DAPP1: variants seen among roughly 807,000 people sequenced by gnomAD.
DAPP1 encodes dual adapter for phosphotyrosine and 3-phosphotyrosine and 3-phosphoinositide.
DAPP1 carries 20 observed loss-of-function variants against 41.5 expected under a neutral mutation model. The ratio of observed to expected loss-of-function variants is 0.48; its 90% CI spans 0.34 to 0.70. The LOEUF (loss-of-function observed/expected upper bound fraction) is 0.70, where lower values mean the gene tolerates loss of function less well. Among genes scored for constraint, DAPP1 ranks in the 30% least tolerant of loss-of-function variants. The pLI, the probability that DAPP1 is intolerant of heterozygous loss-of-function variation, is 0.01. For synonymous variants in DAPP1, 113 were observed against 116.2 expected (o/e 0.97, Z 0.18); for missense variants, 233 against 333.4 (o/e 0.70, Z 2.35).
At chr4:99,826,707 C>T (rs1282407375) in intron 1 of DAPP1, among the ~76,000 whole-genome samples, 3 of 152,206 alleles carry the variant, frequency 2.0e-5, no homozygotes, top group African/African-American at 7.2e-5. Flanking sequence ...CCATGCACAC[C>T]AAGCCCATGT....
In DAPP1 at chr4:99,868,318, A is replaced by C; in HGVS notation, c.*133A>C. The C allele has an allele frequency of 1.3e-6, 1 of 785,026 alleles. No individual in the cohort carries two copies. The highest frequency in any genetic ancestry group is 1.6e-5 in the South Asian group (1 of 61,304). The allele number at this position is 785,026 out of a possible 1,614,324, so 48.6% of individuals were successfully genotyped here. On this transcript the variant is annotated 3_prime_UTR_variant, in exon 9 of 9. Coordinates refer to ENST00000512369, the MANE Select transcript of DAPP1 (RefSeq NM_014395.3). The stretch of plus-strand genomic sequence containing the variant: ...AAAAACAAATCAGAAGCAGATGCTG[A>C]TTGGGACCCATATACCACGTTGCTG...
At chr4:99,829,802 A>C (rs1407150357) in intron 1 of DAPP1, among the ~76,000 whole-genome samples, 1 of 152,054 alleles carries the variant, frequency 6.6e-6, no homozygotes, top group Non-Finnish European at 1.5e-5. Flanking sequence ...TTATTACATG[A>C]AGAGACAATC....
chr4:99,840,531 T>C lies in DAPP1; in HGVS notation c.358+109T>C, dbSNP rs535810616. 3.9e-5 allele frequency: 49 copies of C among 1,253,396 alleles called. No individual in the cohort carries two copies. The African/African-American group carries it at 5.4e-4, about 14-fold the overall frequency. 77.6% of individuals were successfully genotyped at this position (1,253,396 alleles called of 1,614,324 possible). On this transcript the variant is annotated intron_variant, in intron 3 of 8. Coordinates refer to ENST00000512369, the MANE Select transcript of DAPP1 (RefSeq NM_014395.3). ...ATTGTTGTCATTTATATTTCAGCAT[T>C]ATCTTGAAGAGAAAACAATGTATTT...
intron 1 of DAPP1, among the ~76,000 whole-genome samples, chr4:99,832,003 GC>G (rs1723139362): frequency 6.6e-6 from 1 of 150,912 alleles, no homozygotes; most frequent in Non-Finnish European, 1.5e-5. Context: ...ATATTTCAAG[GC>G]CTATACAGAT....
intron 4 of DAPP1, among the ~76,000 whole-genome samples, chr4:99,856,127 C>T (rs1724036624): frequency 6.6e-6 from 1 of 151,916 alleles, no homozygotes; most frequent in Non-Finnish European, 1.5e-5. Flanking sequence ...CCAATACACT[C>T]AGAACTGTTT....
chr4:99,827,036 G>C (rs1019120108), intron 1 of DAPP1, among the ~76,000 whole-genome samples: 1 of 152,060 alleles, frequency 6.6e-6, no homozygotes, highest in African/African-American at 2.4e-5. Flanking sequence ...AACTCAAACT[G>C]TTCACATTAT....
chr4:99,853,407 A>T (rs1578185000), intron 4 of DAPP1, 59 bp downstream of exon 4: 6 of 1,541,712 alleles, frequency 3.9e-6, no homozygotes, highest in Admixed American at 2.1e-5. Flanking sequence ...ATCAAGTTCA[A>T]TAAAAGTTAA....
At chr4:99,827,710 A>G (rs1722984667) in intron 1 of DAPP1, among the ~76,000 whole-genome samples, 1 of 152,208 alleles carries the variant, frequency 6.6e-6, no homozygotes, top group Non-Finnish European at 1.5e-5. Flanking sequence ...CCCAGCAGCC[A>G]GAATAAGGGA....
At chr4:99,827,587 A>G (rs1178810171) in intron 1 of DAPP1, among the ~76,000 whole-genome samples, 2 of 151,980 alleles carry the variant, frequency 1.3e-5, no homozygotes, top group East Asian at 3.9e-4. Flanking sequence ...TTATAAGTGC[A>G]GATGAAGGAA....
At chr4:99,867,928 T>A (rs1192999467) in intron 8 of DAPP1, among the ~76,000 whole-genome samples, 189 bp from the exon 9 acceptor site, 3 of 151,168 alleles carry the variant, frequency 2.0e-5, no homozygotes, top group Non-Finnish European at 4.4e-5. Flanking sequence ...ATATGTGTCC[T>A]AAAAAAAAAT....
Position 99,835,336 on chromosome 4 carries a change from C to T in DAPP1, c.102-287C>T, listed in dbSNP as rs539100329. ...GACCTCATTTTAACTTGGTAAAGAC[C>T]CTGTCTCCAAACAAGGTCACATTTT... On this transcript the variant is annotated intron_variant, in intron 1 of 8. Coordinates refer to ENST00000512369, the MANE Select transcript of DAPP1 (RefSeq NM_014395.3). 9.9e-5 allele frequency among the ~76,000 whole-genome samples: 15 copies of T among 152,114 alleles called. No individual in the cohort carries two copies. In the South Asian group the frequency reaches 3.1e-3, roughly 32 times the overall value.
intron 1 of DAPP1, among the ~76,000 whole-genome samples, chr4:99,833,993 G>A (rs1401955082): frequency 6.6e-6 from 1 of 152,264 alleles, no homozygotes; most frequent in South Asian, 2.1e-4. Flanking sequence ...AGGAACCAAA[G>A]CTCAGATTGG....
intron 7 of DAPP1, chr4:99,865,651 T>G (rs1189689161): frequency 6.6e-6 from 1 of 151,958 alleles, no homozygotes; most frequent in Non-Finnish European, 1.5e-5. Flanking sequence ...AATACATAAG[T>G]GTTAGAGTTA....
Position 99,866,089 on chromosome 4 carries a change from G to A in DAPP1, c.742G>A (p.Asp248Asn), listed in dbSNP as rs1724448857. 1 of 1,600,818 alleles carries A rather than the reference G, an allele frequency of 6.2e-7. No homozygotes were observed. Among genetic ancestry groups the A allele is most frequent in the Non-Finnish European group, 8.5e-7 (1 of 1,172,178 alleles). ...YLCAKTGVEA[D>N]EWIKILRWKL... ...CTGTGCAAAGACCGGAGTAGAAGCT[G>A]ATGAGTGGATCAAGATATTACGCTG... Residue 248 changes from aspartate (D) to asparagine (N), a missense_variant, in exon 8 of 9, where the codon GAT becomes AAT. Physicochemically the swap from Asp to Asn is conservative, Grantham distance 23. Coordinates refer to ENST00000512369, the MANE Select transcript of DAPP1 (RefSeq NM_014395.3).
intron 4 of DAPP1, among the ~76,000 whole-genome samples, chr4:99,854,482 T>C (rs1723976779): frequency 6.6e-6 from 1 of 152,224 alleles, no homozygotes; most frequent in Admixed American, 6.5e-5. Flanking sequence ...GCAGTACTTT[T>C]CTCTACCCTT....
rs867913952 is a variant in DAPP1, at chr4:99,863,780, C to T, written c.611C>T (p.Pro204Leu). 6.3e-7 allele frequency: 1 copy of T among 1,581,896 alleles called. No individual in the cohort carries two copies. The highest frequency in any genetic ancestry group is 8.6e-7 in the Non-Finnish European group (1 of 1,162,746). ...TTTTATTTTATTTAGTCACCAGAACCAATTCGGATCCTAGACCTAACAGAA... is the reference window on the plus strand; with the variant it reads ...TTTTATTTTATTTAGTCACCAGAACTAATTCGGATCCTAGACCTAACAGAA... Reference protein sequence around the residue: ...KYFKDQMSPEPIRILDLTECS... With the variant: ...KYFKDQMSPELIRILDLTECS... Residue 204 changes from proline (P) to leucine (L), a missense_variant, in exon 7 of 9, where the codon CCA (proline) becomes CTA (leucine). Coordinates refer to ENST00000512369, the MANE Select transcript of DAPP1 (RefSeq NM_014395.3).
intron 6 of DAPP1, 49 bp from the exon 7 acceptor site, chr4:99,863,716 CTGTTT>C: frequency 1.2e-6 from 1 of 867,670 alleles, no homozygotes; most frequent in Non-Finnish European, 1.7e-6. Context: ...ACAGATTTGT[CTGTTT>C]TTTTTTTTTT....
intron 3 of DAPP1, 127 bp downstream of exon 3, chr4:99,840,549 A>G: frequency 1.8e-6 from 2 of 1,139,804 alleles, no homozygotes; most frequent in Non-Finnish European, 2.5e-6. Flanking sequence ...AGAGAAAACA[A>G]TGTATTTTGT....
chr4:99,833,307 T>C (rs764737919), intron 1 of DAPP1, among the ~76,000 whole-genome samples: 7 of 152,266 alleles, frequency 4.6e-5, no homozygotes, highest in Non-Finnish European at 1.0e-4. Context: ...TTTATTCTTA[T>C]AAAATGTGTT....
Sources: allele counts gnomAD v4.1 joint callset (sites outside exome capture counted in the v4.1 genomes callset), GRCh38; gene constraint gnomAD v4.1.1; transcripts MANE v1.5; gene names NCBI Gene and HGNC (gene_info 2026-07-23, HGNC 2026-07-21).